PPP1R9A: variants seen among roughly 807,000 people sequenced by gnomAD.
PPP1R9A encodes neurabin-1.
PPP1R9A carries 59 observed loss-of-function variants against 141.9 expected under a neutral mutation model. The observed-to-expected ratio is 0.42, with a 90% CI of 0.34 to 0.52. The LOEUF is 0.52. PPP1R9A is among the 20% of genes least tolerant of loss of function. PPP1R9A has a pLI of 0.10. For missense variants in PPP1R9A, 1,444 were observed against 1,611.9 expected, an observed-to-expected ratio of 0.90 and a Z score of 1.78; for synonymous variants, 500 against 569.7, an observed-to-expected ratio of 0.88 and a Z score of 1.74.
intron 4 of PPP1R9A, among the ~76,000 whole-genome samples, chr7:95,134,538 G>C (rs145441533): frequency 0.28 from 43,055 of 152,062 alleles, 7,478 homozygotes; most frequent in Middle Eastern, 0.43. Flanking sequence ...CCAGGTTCAA[G>C]TGATTCTCCT....
intron 2 of PPP1R9A, among the ~76,000 whole-genome samples, chr7:94,960,637 A>G (rs766842257): frequency 6.6e-6 from 1 of 151,834 alleles, no homozygotes; most frequent in Non-Finnish European, 1.5e-5. Flanking sequence ...CAGGTAAGTA[A>G]TATTAATCCC....
intron 2 of PPP1R9A, among the ~76,000 whole-genome samples, chr7:95,035,572 T>A (rs1054413709): frequency 2.0e-5 from 3 of 152,198 alleles, no homozygotes; most frequent in African/African-American, 7.2e-5. Flanking sequence ...TGAATATAGT[T>A]CACTATTCAT....
chr7:95,112,158 CTA>C (rs1820684876), intron 3 of PPP1R9A, among the ~76,000 whole-genome samples: 1 of 152,046 alleles, frequency 6.6e-6, no homozygotes, highest in Non-Finnish European at 1.5e-5. Context: ...AATTATGCCT[CTA>C]ACAAAGGACT....
At position 95,158,136 on chromosome 7, in the gene PPP1R9A, G is replaced by A. The variant is rs1461897038; in HGVS notation, c.1650-3731G>A. On this transcript the variant is annotated intron_variant, in intron 4 of 19. Coordinates refer to ENST00000433360, the MANE Select transcript of PPP1R9A (RefSeq NM_001166160.2). ...GCAAGGATAAACAAAGAGATAAATAGAACCTATAGGGAACCTACAAACATG... is the reference window on the plus strand; with the variant it reads ...GCAAGGATAAACAAAGAGATAAATAAAACCTATAGGGAACCTACAAACATG... Among the ~76,000 whole-genome samples the A allele has an allele frequency of 3.3e-5, 5 of 152,142 alleles. 1 individual carries two copies. The highest frequency in any genetic ancestry group is 1.2e-4 in the African/African-American group (5 of 41,512).
chr7:95,136,098 T>C (rs1318160179), intron 4 of PPP1R9A, among the ~76,000 whole-genome samples: 1 of 152,180 alleles, frequency 6.6e-6, no homozygotes. Flanking sequence ...GAAACATTGA[T>C]GATTATTGCT....
At chr7:95,264,972 G>C (rs1314869861) in intron 12 of PPP1R9A, among the ~76,000 whole-genome samples, 1 of 152,120 alleles carries the variant, frequency 6.6e-6, no homozygotes, top group African/African-American at 2.4e-5. Flanking sequence ...GAGAGAAATG[G>C]CCACTTAAGC....
chr7:95,226,233 A>G, intron 8 of PPP1R9A, 117 bp downstream of exon 8: 1 of 1,064,808 alleles, frequency 9.4e-7, no homozygotes, highest in Non-Finnish European at 1.3e-6. Context: ...TTTTAATAAC[A>G]GGTTGTCTTG....
In PPP1R9A at chr7:95,290,368, C is replaced by T. The variant is rs1391298995; in HGVS notation, c.*65C>T. 1.3e-6 allele frequency: 2 copies of T among 1,492,122 alleles called. No individual in the cohort carries two copies. Among genetic ancestry groups the T allele is most frequent in the African/African-American group, 1.4e-5 (1 of 70,764 alleles). The allele number at this position is 1,492,122 out of a possible 1,614,324, so 92.4% of individuals were successfully genotyped here. A position where few individuals can be genotyped will look rare whatever the true frequency, so the allele number is the denominator to read the frequency against. On this transcript the variant is annotated 3_prime_UTR_variant, in exon 20 of 20. Coordinates refer to ENST00000433360, the MANE Select transcript of PPP1R9A (RefSeq NM_001166160.2). Reference sequence around the variant, plus strand: ...AGTCCCCACCTCTTCCTGCCCTGCTCTCCTCCAGAGGATGAAAAAGAAACT... The same window carrying T: ...AGTCCCCACCTCTTCCTGCCCTGCTTTCCTCCAGAGGATGAAAAAGAAACT...
At chr7:95,183,994 T>C (rs567322495) in intron 5 of PPP1R9A, among the ~76,000 whole-genome samples, 12 of 152,272 alleles carry the variant, frequency 7.9e-5, no homozygotes, top group Non-Finnish European at 1.5e-4. Context: ...ATGTTAAGTA[T>C]GTAGTAAGGT....
intron 7 of PPP1R9A, among the ~76,000 whole-genome samples, chr7:95,215,541 C>T (rs1281651351): frequency 9.2e-5 from 14 of 152,116 alleles, no homozygotes; most frequent in African/African-American, 1.2e-4. Flanking sequence ...CTTGAGGAAT[C>T]GCCACACTGT....
intron 2 of PPP1R9A, among the ~76,000 whole-genome samples, chr7:95,028,127 A>T (rs998458799): frequency 2.0e-5 from 3 of 152,186 alleles, no homozygotes; most frequent in Non-Finnish European, 4.4e-5. Context: ...AAAATTCTGT[A>T]TTGTGATTAT....
intron 2 of PPP1R9A, among the ~76,000 whole-genome samples, chr7:94,994,905 C>CA (rs1239840065): frequency 9.9e-5 from 15 of 151,016 alleles, no homozygotes; most frequent in Non-Finnish European, 1.5e-5. Flanking sequence ...AAAAAAAACA[C>CA]AAAAAACCCA....
chr7:94,927,077 G>GGC (rs1430938839), intron 2 of PPP1R9A, among the ~76,000 whole-genome samples: 1 of 151,904 alleles, frequency 6.6e-6, no homozygotes, highest in African/African-American at 2.4e-5. Flanking sequence ...GTTTTTCCTA[G>GGC]GCAGAAATAG....
chr7:95,243,425 T>C (rs1797724339), intron 8 of PPP1R9A, among the ~76,000 whole-genome samples: 1 of 152,078 alleles, frequency 6.6e-6, no homozygotes, highest in African/African-American at 2.4e-5. Flanking sequence ...GAGGTGGAGG[T>C]CTGCTTTCTA....
At chr7:94,935,904 A>AT (rs1794717828) in intron 2 of PPP1R9A, among the ~76,000 whole-genome samples, 1 of 152,116 alleles carries the variant, frequency 6.6e-6, no homozygotes, top group Admixed American at 6.6e-5. Context: ...AACATGCTGT[A>AT]TTTTCTGTCT....
rs192398165 is a variant in PPP1R9A, at chr7:94,912,305, T to C, written c.1395+797T>C. ...CACAAAGTACATCAGCAGTGGGTGG[T>C]AGAATGTTATTAGTGGATAATGGCA... On this transcript the variant is annotated intron_variant, in intron 2 of 19. Transcript: ENST00000433360. Among the ~76,000 whole-genome samples, 16 of 152,280 alleles carry C rather than the reference T, an allele frequency of 1.1e-4. No individual in the cohort carries two copies. In the East Asian group the frequency reaches 3.1e-3, roughly 29 times the overall value.
intron 2 of PPP1R9A, chr7:95,109,070 A>G (rs781259436): frequency 2.0e-4 from 31 of 152,226 alleles, no homozygotes; most frequent in Non-Finnish European, 3.5e-4. Context: ...TTGCTTCTAT[A>G]GGCATTTTCC....
chr7:95,132,109 C>T (rs1824753675), intron 4 of PPP1R9A, among the ~76,000 whole-genome samples: 1 of 152,094 alleles, frequency 6.6e-6, no homozygotes, highest in Non-Finnish European at 1.5e-5. Flanking sequence ...TTAGGGCTTT[C>T]TAGGTATAGA....
chr7:95,224,720 G>T (rs1794908046), intron 7 of PPP1R9A, among the ~76,000 whole-genome samples: 1 of 151,988 alleles, frequency 6.6e-6, no homozygotes, highest in Non-Finnish European at 1.5e-5. Flanking sequence ...GGGGGGAAAG[G>T]GGAAGTGAGG....
Sources: gnomAD v4.1 joint callset for allele counts (sites outside exome capture counted in the v4.1 genomes callset) on GRCh38, gnomAD v4.1.1 for gene constraint, MANE v1.5 for transcripts, NCBI Gene and HGNC (gene_info 2026-07-23, HGNC 2026-07-21) for gene names.